RMDN2: variants seen among roughly 807,000 people sequenced by gnomAD.
The protein encoded by RMDN2 is regulator of microtubule dynamics protein 2.
Under a neutral mutation model 52.8 loss-of-function variants are expected in RMDN2, and 61 were observed. That is an observed-to-expected ratio of 1.16 (90% CI 0.94 to 1.43). The LOEUF (loss-of-function observed/expected upper bound fraction) is 1.43. Among genes scored for constraint, RMDN2 ranks in the 40% most tolerant of loss-of-function variants. The pLI, the probability that RMDN2 is intolerant of heterozygous loss-of-function variation, is 0.00. For missense variants in RMDN2, 592 were observed against 475.3 expected, an observed-to-expected ratio of 1.25 and a Z score of -2.28; for synonymous variants, 180 against 153.1, an observed-to-expected ratio of 1.18 and a Z score of -1.30.
At chr2:38,019,987 A>C (rs1679219297), downstream of RMDN2, among the ~76,000 whole-genome samples, 1 of 152,060 alleles carries the variant, frequency 6.6e-6, no homozygotes, top group Admixed American at 6.5e-5. Context: ...AACCATTGCA[A>C]ATAATTGCTA....
chr2:38,060,119 T>TTTTATTTTATTTTA (rs1412485858), intron 10 of RMDN2, among the ~76,000 whole-genome samples: 63 of 132,486 alleles, frequency 4.8e-4, no homozygotes, highest in African/African-American at 2.2e-3. Context: ...TTTTATTTTA[T>TTTTATTTTATTTTA]TTTTTTTAGT....
At chr2:38,062,520 G>T (rs1300806226) in intron 10 of RMDN2, among the ~76,000 whole-genome samples, 1 of 152,172 alleles carries the variant, frequency 6.6e-6, no homozygotes, top group Admixed American at 6.5e-5. Flanking sequence ...GATGAATGCA[G>T]CTGCTGTAAA....
intron 10 of RMDN2, chr2:38,012,574 T>G: frequency 2.1e-6 from 1 of 466,652 alleles, no homozygotes; most frequent in Non-Finnish European, 4.4e-6. Flanking sequence ...TATGAGCAAA[T>G]ATTTCTCACA....
Position 37,932,681 on chromosome 2 carries a change from C to T in RMDN2, c.452+2952C>T, listed in dbSNP as rs1290177489. 3.4e-4 allele frequency among the ~76,000 whole-genome samples: 49 copies of T among 142,770 alleles called. 1 individual carries two copies. The highest frequency in any genetic ancestry group is 1.0e-3 in the African/African-American group (39 of 38,238). 93.7% of individuals were successfully genotyped at this position (142,770 alleles called of 152,430 possible). ...TCACCTCACGGGGCGGCTGGCCGGG[C>T]GGGGGGCTGACCCCCCCCACCTCCC... is the stretch of plus-strand genomic sequence containing the variant. On this transcript the variant is annotated intron_variant, in intron 2 of 10. Transcript: ENST00000354545.
At chr2:38,038,144 G>A (rs1680710032) in intron 10 of RMDN2, among the ~76,000 whole-genome samples, 1 of 151,780 alleles carries the variant, frequency 6.6e-6, no homozygotes. Context: ...GCACTTCCAG[G>A]CTCCATTTCA....
intron 6 of RMDN2, among the ~76,000 whole-genome samples, chr2:37,990,383 G>A (rs982492663): frequency 6.6e-6 from 1 of 151,140 alleles, no homozygotes; most frequent in African/African-American, 2.4e-5. Context: ...GCCAGGCATG[G>A]TGGCGGGCGC....
chr2:38,064,284 G>A (rs1054693821), intron 10 of RMDN2, among the ~76,000 whole-genome samples: 1 of 152,138 alleles, frequency 6.6e-6, no homozygotes, highest in African/African-American at 2.4e-5. Context: ...TAGATCAGGA[G>A]TTTGAGACTA....
chr2:38,013,142 A>T (rs1257304619), intron 10 of RMDN2, among the ~76,000 whole-genome samples: 1 of 152,148 alleles, frequency 6.6e-6, no homozygotes, highest in Admixed American at 6.5e-5. Context: ...TTTCTTTTTT[A>T]AAAAAGGGAT....
At chr2:38,029,359 T>C (rs1240295235) in intron 10 of RMDN2, 2 of 152,160 alleles carry the variant, frequency 1.3e-5, no homozygotes, top group African/African-American at 4.8e-5. Context: ...GGCCAAGGGA[T>C]GGAAGTTTTG....
In RMDN2 at chr2:37,984,786, G is replaced by T. The variant is rs192745637; in HGVS notation, c.791+3443G>T. Among the ~76,000 whole-genome samples, 35 of 152,062 alleles carry T rather than the reference G, an allele frequency of 2.3e-4. 1 individual carries two copies. The highest frequency in any genetic ancestry group is 2.1e-3 in the Admixed American group (32 of 15,264). On this transcript the variant is annotated intron_variant, in intron 5 of 10. Coordinates refer to ENST00000354545, the MANE Select transcript of RMDN2 (RefSeq NM_001170791.3). ...GTAGTTAGAATGACCTCTAGATGGA[G>T]GTAATATACCATGTTGTGAATTAAC...
At chr2:37,993,428 A>G (rs750779289) in intron 7 of RMDN2, among the ~76,000 whole-genome samples, 6 of 152,178 alleles carry the variant, frequency 3.9e-5, no homozygotes, top group Non-Finnish European at 7.3e-5. Flanking sequence ...AGAGAACTCA[A>G]AATTTTCTGG....
intron 2 of RMDN2, among the ~76,000 whole-genome samples, chr2:37,943,118 G>A (rs944424497): frequency 4.6e-5 from 7 of 152,192 alleles, no homozygotes; most frequent in Admixed American, 1.3e-4. Flanking sequence ...AAAGCCGTTC[G>A]CGTTCTGGGC....
Position 37,994,123 on chromosome 2 carries a change from C to T in RMDN2, c.945+2826C>T, listed in dbSNP as rs1007534123. 2.5e-4 allele frequency among the ~76,000 whole-genome samples: 38 copies of T among 152,172 alleles called. 1 individual carries two copies. Among genetic ancestry groups the T allele is most frequent in the African/African-American group, 9.2e-4 (38 of 41,510 alleles). ...TGAGTTCACAGTCAAAAATTATAGA[C>T]TATACAAGGAAACAAGCCAACAGTA... On this transcript the variant is annotated intron_variant, in intron 7 of 10. Coordinates refer to ENST00000354545, the MANE Select transcript of RMDN2 (RefSeq NM_001170791.3).
chr2:38,033,787 C>T (rs1229714437), intron 10 of RMDN2, among the ~76,000 whole-genome samples: 1 of 152,170 alleles, frequency 6.6e-6, no homozygotes, highest in East Asian at 1.9e-4. Context: ...CCAAACTTTC[C>T]ATGTCCAGGA....
rs138851338 is a variant in RMDN2, at chr2:37,974,104, C to G, written c.517C>G (p.Arg173Gly). 1 of 1,611,854 alleles carries G rather than the reference C, an allele frequency of 6.2e-7. No individual in the cohort carries two copies. The highest frequency in any genetic ancestry group is 8.5e-7 in the Non-Finnish European group (1 of 1,178,404). ...SFPVPKAFNT[R>G]VEELNLDVLL... ...TCCAGTCCCTAAGGCATTTAACACA[C>G]GTGTAGAGGAATTAAATTTAGATGT... The change falls in exon 3 of 11, where the codon CGT (arginine) becomes GGT (glycine). Residue 173 changes from arginine to glycine, a missense_variant. Physicochemically the swap from Arg to Gly is moderately radical, Grantham distance 125. Coordinates refer to ENST00000354545, the MANE Select transcript of RMDN2 (RefSeq NM_001170791.3).
chr2:38,058,640 A>G (rs531463118), intron 10 of RMDN2, among the ~76,000 whole-genome samples: 1 of 152,322 alleles, frequency 6.6e-6, no homozygotes, highest in Admixed American at 6.5e-5. Context: ...ACCAAAATAT[A>G]ACCTTATGTG....
At position 37,983,036 on chromosome 2, in the gene RMDN2, C is replaced by G. The variant is rs868516755; in HGVS notation, c.791+1693C>G. Among the ~76,000 whole-genome samples, 4 of 152,048 alleles carry G rather than the reference C, an allele frequency of 2.6e-5. No homozygotes were observed. The South Asian group carries it at 8.3e-4, about 32-fold the overall frequency. On this transcript the variant is annotated intron_variant, in intron 5 of 10. Transcript: ENST00000354545. ...CAACTCCTCCTCCTCCTCCCCTACT[C>G]TTCCTGTCTCTTACCTCTGACTCCT... is the stretch of plus-strand genomic sequence containing the variant.
intron 10 of RMDN2, among the ~76,000 whole-genome samples, chr2:38,064,322 T>C (rs1198981849): frequency 2.0e-5 from 3 of 151,938 alleles, no homozygotes; most frequent in Non-Finnish European, 4.4e-5. Context: ...AAACCTCGTG[T>C]CTACTAAAAA....
intron 2 of RMDN2, among the ~76,000 whole-genome samples, chr2:37,962,017 A>G (rs929603680): frequency 6.6e-6 from 1 of 152,242 alleles, no homozygotes; most frequent in South Asian, 2.1e-4. Context: ...TATCACCAGC[A>G]GAGGCTGCAG....
Sources: allele counts gnomAD v4.1 joint callset (sites outside exome capture counted in the v4.1 genomes callset), GRCh38; gene constraint gnomAD v4.1.1; transcripts MANE v1.5; gene names NCBI Gene and HGNC (gene_info 2026-07-23, HGNC 2026-07-21).